The following RGSL1 variants were observed in gnomAD, a reference collection of about 807,000 sequenced individuals.
The protein encoded by RGSL1 is regulator of G protein signaling like 1.
RGSL1 carries 97 observed loss-of-function variants against 124.7 expected under a neutral mutation model. The ratio of observed to expected loss-of-function variants is 0.78; its 90% CI spans 0.66 to 0.92. RGSL1 has a LOEUF of 0.92. Among genes scored for constraint, RGSL1 ranks in the 40% least tolerant of loss-of-function variants. The pLI is 0.00. For missense variants in RGSL1, 1,233 were observed against 1,288.4 expected, an observed-to-expected ratio of 0.96 and a Z score of 0.66; for synonymous variants, 424 against 438.1, an observed-to-expected ratio of 0.97 and a Z score of 0.40.
At chr1:182,548,530 T>C in intron 16 of RGSL1, 75 bp downstream of exon 16, 1 of 1,537,792 alleles carries the variant, frequency 6.5e-7, no homozygotes, top group Non-Finnish European at 8.8e-7. Flanking sequence ...AGAAAGCTAA[T>C]TGTCAGGCAC....
At chr1:182,459,748 A>C (rs190564899) in intron 3 of RGSL1, among the ~76,000 whole-genome samples, 93 of 152,370 alleles carry the variant, frequency 6.1e-4, no homozygotes, top group African/African-American at 2.1e-3. Flanking sequence ...GGGATAAGAA[A>C]GAATTTTTTC....
At chr1:182,525,111 A>T (rs1260721736) in intron 10 of RGSL1, among the ~76,000 whole-genome samples, 9 of 152,340 alleles carry the variant, frequency 5.9e-5, no homozygotes, top group Middle Eastern at 6.8e-3. Context: ...AGCGAAACAT[A>T]AAAAGCAAAC....
chr1:182,450,359 C>T (rs1399119223), intron 1 of RGSL1, 181 bp downstream of exon 1: 4 of 709,476 alleles, frequency 5.6e-6, no homozygotes, highest in African/African-American at 1.8e-5. Flanking sequence ...CTTCTGCCAC[C>T]AGATCTTTGA....
Position 182,551,162 on chromosome 1 carries a change from GA to G in RGSL1, c.3001del (p.Ser1001AlafsTer20). ...LQYRGKKFKD[R>X]KSPPKSTDKY... ...TATAGGGGGAAGAAGTTCAAGGACA[GA>G]AAAAGCCCTCCTAAATCTACGGACA... is the stretch of plus-strand genomic sequence containing the variant. On this transcript the variant is annotated frameshift_variant, in exon 18 of 22. Coordinates refer to ENST00000294854, the MANE Select transcript of RGSL1 (RefSeq NM_001137669.2). LOFTEE classifies it high-confidence loss of function. 1 of 1,551,722 alleles carries G rather than the reference GA, an allele frequency of 6.4e-7. No homozygotes were observed.
rs1446297322 is a variant in RGSL1, at chr1:182,472,533, G to A, written c.439G>A (p.Val147Ile). 1 of 1,536,510 alleles carries A rather than the reference G, an allele frequency of 6.5e-7. No individual in the cohort carries two copies. Among genetic ancestry groups the A allele is most frequent in the African/African-American group, 1.4e-5 (1 of 72,740 alleles). Residue 147 changes from valine (V) to isoleucine (I), a missense_variant, in exon 5 of 22, where the codon GTA becomes ATA. Coordinates refer to ENST00000294854, the MANE Select transcript of RGSL1 (RefSeq NM_001137669.2). ...TCATCTGCAGGAGGGCTCCAGGGTGGTAACCCTCTGTAACATGAACATCAG... is the reference window on the plus strand; with the variant it reads ...TCATCTGCAGGAGGGCTCCAGGGTGATAACCCTCTGTAACATGAACATCAG... ...ATHLQEGSRV[V>I]TLCNMNIKSL...
intron 15 of RGSL1, among the ~76,000 whole-genome samples, chr1:182,544,581 A>C (rs772328490): frequency 3.2e-5 from 4 of 123,108 alleles, no homozygotes; most frequent in African/African-American, 1.2e-4. Flanking sequence ...GTCCATTACT[A>C]AGAGTGGGGT....
chr1:182,476,821 C>T (rs768983545), intron 6 of RGSL1, among the ~76,000 whole-genome samples: 2 of 152,076 alleles, frequency 1.3e-5, no homozygotes, highest in Non-Finnish European at 2.9e-5. Context: ...ATCAACTGTG[C>T]CAGGCACGCT....
At chr1:182,472,594 C>G (rs1171869942) in intron 5 of RGSL1, 37 bp downstream of exon 5, 1 of 1,474,424 alleles carries the variant, frequency 6.8e-7, no homozygotes, top group East Asian at 2.5e-5. Context: ...GGGGATGCAA[C>G]AAAAAAGTAA....
rs113749650 is a variant in RGSL1 at position 182,528,117 on chromosome 1, G to T, written c.2125+345G>T. 7.4e-3 allele frequency among the ~76,000 whole-genome samples: 1,132 copies of T among 152,238 alleles called. 15 individuals carry two copies. The highest frequency in any genetic ancestry group is 0.031 in the Middle Eastern group (9 of 294). ...ATGGCAGAAGGCACCTCTTCATGGAGCAGCAAGAGAGAGAATGAGTGCCAA... is the reference window on the plus strand; with the variant it reads ...ATGGCAGAAGGCACCTCTTCATGGATCAGCAAGAGAGAGAATGAGTGCCAA... On this transcript the variant is annotated intron_variant, in intron 11 of 21. Transcript: ENST00000294854.
intron 4 of RGSL1, among the ~76,000 whole-genome samples, chr1:182,465,429 C>A (rs1474566167): frequency 1.4e-5 from 2 of 138,864 alleles, no homozygotes; most frequent in Admixed American, 8.1e-5. Context: ...CACTTGGACA[C>A]AGGAAGGGGA....
chr1:182,530,538 T>TACACACACAC (rs34247322), intron 12 of RGSL1, among the ~76,000 whole-genome samples, 177 bp downstream of exon 12: 46,546 of 149,036 alleles, frequency 0.31, 7,522 homozygotes, highest in East Asian at 0.4. Context: ...CACACACACA[T>TACACACACAC]ACACACACAC....
chr1:182,559,134 T>C (rs266549), intron 21 of RGSL1, among the ~76,000 whole-genome samples: 137,453 of 152,124 alleles, frequency 0.9, 62,305 homozygotes, highest in Non-Finnish European at 0.92. Context: ...ATATCAGTGC[T>C]CCCTGTGGCT....
chr1:182,464,445 C>T (rs536542978), intron 4 of RGSL1, among the ~76,000 whole-genome samples: 23 of 152,150 alleles, frequency 1.5e-4, no homozygotes, highest in South Asian at 2.1e-4. Flanking sequence ...GAAGACTGGC[C>T]GGGGGTGGTG....
At chr1:182,495,716 T>C (rs917134233) in intron 9 of RGSL1, among the ~76,000 whole-genome samples, 2 of 152,160 alleles carry the variant, frequency 1.3e-5, no homozygotes, top group African/African-American at 4.8e-5. Flanking sequence ...GATGGTCCAT[T>C]CATGAAACAG....
At chr1:182,458,281 C>T in intron 2 of RGSL1, 38 bp from the exon 3 acceptor site, 1 of 1,476,688 alleles carries the variant, frequency 6.8e-7, no homozygotes, top group Non-Finnish European at 9.3e-7. Context: ...TGAAGAGAAG[C>T]TCTACTCCCT....
intron 3 of RGSL1, among the ~76,000 whole-genome samples, 157 bp downstream of exon 3, chr1:182,458,550 A>G (rs1296858549): frequency 6.6e-6 from 1 of 152,128 alleles, no homozygotes; most frequent in Non-Finnish European, 1.5e-5. Flanking sequence ...GCTCACTGCA[A>G]CCTTTGCCTC....
intron 4 of RGSL1, among the ~76,000 whole-genome samples, chr1:182,464,957 A>T (rs1194698847): frequency 6.6e-6 from 1 of 151,920 alleles, no homozygotes; most frequent in Non-Finnish European, 1.5e-5. Flanking sequence ...GACAGGTGTC[A>T]TGCACCTATA....
chr1:182,526,512 A>T (rs1156688908), intron 10 of RGSL1, among the ~76,000 whole-genome samples: 1 of 151,820 alleles, frequency 6.6e-6, no homozygotes, highest in Admixed American at 6.6e-5. Flanking sequence ...TAAAAAAAAA[A>T]ACACAAACAT....
Position 182,509,570 on chromosome 1 carries a change from G to T in RGSL1, c.1826-12434G>T, listed in dbSNP as rs1318728493. 7.2e-3 allele frequency among the ~76,000 whole-genome samples: 916 copies of T among 126,814 alleles called. 24 individuals carry two copies. Among genetic ancestry groups the T allele is most frequent in the African/African-American group, 0.028 (867 of 30,510 alleles). 83.2% of individuals were successfully genotyped at this position (126,814 alleles called of 152,430 possible). On this transcript the variant is annotated intron_variant, in intron 9 of 21. Coordinates refer to ENST00000294854, the MANE Select transcript of RGSL1 (RefSeq NM_001137669.2). ...CGCCCCCATCTCCCTCCCGGACGGG[G>T]TGGCTGGCCAGGCTGAGGGGCTCCT...
Sources: gnomAD v4.1 joint callset for allele counts (sites outside exome capture counted in the v4.1 genomes callset) on GRCh38, gnomAD v4.1.1 for gene constraint, MANE v1.5 for transcripts, NCBI Gene and HGNC (gene_info 2026-07-23, HGNC 2026-07-21) for gene names.